The following FOXN3 variants were observed in gnomAD, a reference collection of about 807,000 sequenced individuals.
FOXN3 encodes the protein forkhead box N3, also known as forkhead box protein N3.
Under a neutral mutation model 38.4 loss-of-function variants are expected in FOXN3, and 7 were observed. That is an observed-to-expected ratio of 0.18 (90% CI 0.10 to 0.34). The LOEUF (loss-of-function observed/expected upper bound fraction) is 0.34. FOXN3 is among the 10% of genes least tolerant of loss of function. The pLI, the probability that FOXN3 is intolerant of heterozygous loss-of-function variation, is 1.00. For synonymous variants in FOXN3, 230 were observed against 242.2 expected (o/e 0.95, Z 0.47); for missense variants, 456 against 613.4 (o/e 0.74, Z 2.71).
intron 3 of FOXN3, among the ~76,000 whole-genome samples, chr14:89,305,330 G>A (rs549356797): frequency 2.0e-5 from 3 of 152,176 alleles, no homozygotes; most frequent in African/African-American, 4.8e-5. Flanking sequence ...CATCTTAAGA[G>A]CCCTTGAGAA....
intron 1 of FOXN3, among the ~76,000 whole-genome samples, chr14:89,415,847 TACACACACACACACACACACACACACAC>T (rs5810462): frequency 7.1e-6 from 1 of 140,416 alleles, no homozygotes; most frequent in Non-Finnish European, 1.5e-5. Flanking sequence ...AACTTTTCTC[TACACACACACACACACACACACACACAC>T]ACACACACCC....
intron 1 of FOXN3, among the ~76,000 whole-genome samples, chr14:89,487,980 T>G (rs1893484366): frequency 6.6e-6 from 1 of 152,046 alleles, no homozygotes; most frequent in Non-Finnish European, 1.5e-5. Context: ...TGAGGGCTAT[T>G]CGGGGGCACG....
intron 4 of FOXN3, among the ~76,000 whole-genome samples, chr14:89,196,726 C>A (rs925621478): frequency 1.3e-5 from 2 of 152,142 alleles, no homozygotes; most frequent in Admixed American, 6.5e-5. Context: ...TGTTTCACAG[C>A]AATCCATCAA....
At chr14:89,316,822 G>A (rs779084024) in intron 3 of FOXN3, among the ~76,000 whole-genome samples, 8 of 151,964 alleles carry the variant, frequency 5.3e-5, no homozygotes, top group Admixed American at 2.0e-4. Context: ...CTATCACCAC[G>A]CCTGGCTACT....
At chr14:89,308,129 G>C (rs1418524888) in intron 3 of FOXN3, among the ~76,000 whole-genome samples, 1 of 152,122 alleles carries the variant, frequency 6.6e-6, no homozygotes, top group East Asian at 1.9e-4. Flanking sequence ...GCCAGGCGTG[G>C]TGGCACCCGC....
At chr14:89,287,414 A>C (rs933101698) in intron 3 of FOXN3, among the ~76,000 whole-genome samples, 19 of 152,046 alleles carry the variant, frequency 1.2e-4, no homozygotes, top group African/African-American at 3.9e-4. Context: ...GGCCTCCCAG[A>C]GTGCTGGGAT....
At chr14:89,457,625 C>T (rs1262249140) in intron 1 of FOXN3, among the ~76,000 whole-genome samples, 1 of 152,210 alleles carries the variant, frequency 6.6e-6, no homozygotes, top group Non-Finnish European at 1.5e-5. Flanking sequence ...AGCCCATCTG[C>T]AGAAACCCTA....
At chr14:89,401,031 C>T (rs1197855289) in intron 2 of FOXN3, among the ~76,000 whole-genome samples, 1 of 152,204 alleles carries the variant, frequency 6.6e-6, no homozygotes, top group Non-Finnish European at 1.5e-5. Context: ...ATCCTCAGCA[C>T]CCAAAACAGT....
chr14:89,562,912 C>T (rs1895279297), intron 1 of FOXN3, among the ~76,000 whole-genome samples: 1 of 152,130 alleles, frequency 6.6e-6, no homozygotes. Flanking sequence ...TATTTCTATT[C>T]ATTTAAGAAC....
chr14:89,615,116 ATTTTTT>A (rs374606775), intron 1 of FOXN3, among the ~76,000 whole-genome samples: 1 of 106,784 alleles, frequency 9.4e-6, no homozygotes, highest in Non-Finnish European at 1.8e-5. Flanking sequence ...CCCAATTTCG[ATTTTTT>A]TTTTTTTTTT....
intron 1 of FOXN3, among the ~76,000 whole-genome samples, chr14:89,582,452 C>T (rs772092391): frequency 5.3e-5 from 8 of 150,048 alleles, no homozygotes; most frequent in East Asian, 1.9e-4. Context: ...TTAGCCTAAG[C>T]GTGAAGAGCC....
At chr14:89,483,477 C>T (rs1048326562) in intron 1 of FOXN3, among the ~76,000 whole-genome samples, 1 of 152,126 alleles carries the variant, frequency 6.6e-6, no homozygotes, top group Admixed American at 6.5e-5. Context: ...AGCGCGATCT[C>T]GGCTCACTGC....
chr14:89,185,105 T>C (rs1292704350), intron 4 of FOXN3, among the ~76,000 whole-genome samples: 1 of 152,236 alleles, frequency 6.6e-6, no homozygotes, highest in Non-Finnish European at 1.5e-5. Flanking sequence ...CTCTGAATCC[T>C]GCAGCTTGTT....
At position 89,240,571 on chromosome 14, in the gene FOXN3, T is replaced by TA. The variant is rs937113990; in HGVS notation, c.745+40378dup. Among the ~76,000 whole-genome samples the TA allele has an allele frequency of 6.4e-4, 98 of 152,068 alleles. 1 individual carries two copies. The highest frequency in any genetic ancestry group is 3.4e-3 in the Admixed American group (52 of 15,284). On this transcript the variant is annotated intron_variant, in intron 4 of 5. Coordinates refer to ENST00000557258, the MANE Select transcript of FOXN3 (RefSeq NM_005197.4). ...CACTGATACAGAGAAAGCTACATGA[T>TA]AAAAAAAAGTCAGGATAATGCACAT...
intron 4 of FOXN3, among the ~76,000 whole-genome samples, chr14:89,258,866 CCT>C (rs1885709159): frequency 6.6e-6 from 1 of 152,158 alleles, no homozygotes; most frequent in South Asian, 2.1e-4. Context: ...TCGTCCACAC[CCT>C]CTTTCCTTAC....
chr14:89,334,421 C>A (rs985766428), intron 3 of FOXN3, among the ~76,000 whole-genome samples: 1 of 151,988 alleles, frequency 6.6e-6, no homozygotes, highest in Non-Finnish European at 1.5e-5. Flanking sequence ...ACCAGCCTGG[C>A]CAACATGGCA....
At chr14:89,224,634 T>A (rs80298460) in intron 4 of FOXN3, among the ~76,000 whole-genome samples, 1 of 152,172 alleles carries the variant, frequency 6.6e-6, no homozygotes, top group African/African-American at 2.4e-5. Context: ...AGGAGAGATG[T>A]AAATATGTGC....
At chr14:89,585,454 A>G (rs1441287597) in intron 1 of FOXN3, among the ~76,000 whole-genome samples, 2 of 152,222 alleles carry the variant, frequency 1.3e-5, no homozygotes, top group African/African-American at 4.8e-5. Context: ...TATGTATGCT[A>G]GAGAAATTCA....
chr14:89,568,932 C>T (rs573890124), intron 1 of FOXN3, among the ~76,000 whole-genome samples: 4 of 152,202 alleles, frequency 2.6e-5, no homozygotes, highest in Admixed American at 6.5e-5. Context: ...TGGCCGGGCA[C>T]GGTGGCTCAC....
Sources: gnomAD v4.1 joint callset for allele counts (sites outside exome capture counted in the v4.1 genomes callset) on GRCh38, gnomAD v4.1.1 for gene constraint, MANE v1.5 for transcripts, NCBI Gene and HGNC (gene_info 2026-07-23, HGNC 2026-07-21) for gene names.